Variants in ACSF2 observed in about 807,000 individuals in gnomAD.
ACSF2 encodes medium-chain acyl-CoA ligase ACSF2, mitochondrial.
Under a neutral mutation model 79.3 loss-of-function variants are expected in ACSF2, and 52 were observed. That is an observed-to-expected ratio of 0.66 (90% confidence interval 0.53 to 0.83). ACSF2 has a LOEUF of 0.83. Among genes scored for constraint, ACSF2 ranks in the 40% least tolerant of loss-of-function variants. ACSF2 has a pLI of 0.00. For synonymous variants in ACSF2, 283 were observed against 312.6 expected, an observed-to-expected ratio of 0.91 and a Z score of 1.00; for missense variants, 661 against 803.3, an observed-to-expected ratio of 0.82 and a Z score of 2.14.
At chr17:50,446,658 C>CTCTTTAAG (rs2031321183) in intron 1 of ACSF2, among the ~76,000 whole-genome samples, 1 of 152,186 alleles carries the variant, frequency 6.6e-6, no homozygotes, top group South Asian at 2.1e-4. Flanking sequence ...CCCTCGTGAC[C>CTCTTTAAG]TCTTTAAGTC....
chr17:50,468,757 C>A (rs766272511), intron 10 of ACSF2: 1 of 1,595,582 alleles, frequency 6.3e-7, no homozygotes, highest in African/African-American at 1.3e-5. Flanking sequence ...AGGCGGCCAG[C>A]GCCGGCAGCA....
chr17:50,428,132 T>C (rs1341038749), intron 1 of ACSF2, among the ~76,000 whole-genome samples: 1 of 152,064 alleles, frequency 6.6e-6, no homozygotes, highest in Non-Finnish European at 1.5e-5. Flanking sequence ...AAGGCTGCAT[T>C]GAGCCGTCAT....
chr17:50,431,099 G>C (rs552690392), intron 1 of ACSF2, among the ~76,000 whole-genome samples: 1 of 152,202 alleles, frequency 6.6e-6, no homozygotes, highest in Non-Finnish European at 1.5e-5. Flanking sequence ...ATTTATGAAT[G>C]ATTTGGTAAC....
At chr17:50,460,251 T>C (rs1191116820) in intron 1 of ACSF2, 1 of 458,238 alleles carries the variant, frequency 2.2e-6, no homozygotes, top group African/African-American at 2.0e-5. Flanking sequence ...TCCTAAGACC[T>C]TGGATTCAAG....
At position 50,463,974 on chromosome 17, in the gene ACSF2, G is replaced by A; in HGVS notation, c.1138+65G>A. 2 of 1,505,152 alleles carry A rather than the reference G, an allele frequency of 1.3e-6. No individual in the cohort carries two copies. Among genetic ancestry groups the A allele is most frequent in the Non-Finnish European group, 1.8e-6 (2 of 1,093,246 alleles). 93.2% of individuals were successfully genotyped at this position (1,505,152 alleles called of 1,614,324 possible). ...CTGCTTCCCCCACAGGAATGGCCCG[G>A]GTGAGTTAGCTATGCTCCCAGTCTT... On this transcript the variant is annotated intron_variant, in intron 9 of 15. Coordinates refer to ENST00000300441, the MANE Select transcript of ACSF2 (RefSeq NM_025149.6). This position sits in a 1 kb window ranked among gnomAD's most constrained non-coding sequence, Gnocchi z 4.6.
At chr17:50,435,028 G>A (rs971154250) in intron 1 of ACSF2, among the ~76,000 whole-genome samples, 1 of 152,002 alleles carries the variant, frequency 6.6e-6, no homozygotes. Flanking sequence ...GTGCCACCAC[G>A]CCTGACTTAT....
rs145947092 is a variant in ACSF2 at position 50,468,077 on chromosome 17, A to T, written c.1216-2951A>T. On this transcript the variant is annotated intron_variant, in intron 10 of 15. Transcript: ENST00000300441. Reference sequence around the variant, plus strand: ...GGTGTTGTCCAGCCAGAGGGTCTCCAGGTATCTGCCAAAGGACTGGAAGGC... The same window carrying T: ...GGTGTTGTCCAGCCAGAGGGTCTCCTGGTATCTGCCAAAGGACTGGAAGGC... 6 of 1,609,916 alleles carry T rather than the reference A, an allele frequency of 3.7e-6. No individual in the cohort carries two copies. In the African/African-American group the frequency reaches 6.7e-5, roughly 18 times the overall value.
intron 1 of ACSF2, among the ~76,000 whole-genome samples, chr17:50,427,642 G>A (rs920139252): frequency 4.6e-5 from 7 of 152,152 alleles, no homozygotes; most frequent in Non-Finnish European, 7.3e-5. Context: ...ACTTCCCAAA[G>A]TGTACATATT....
At chr17:50,427,710 C>A (rs1915127669) in intron 1 of ACSF2, among the ~76,000 whole-genome samples, 1 of 152,202 alleles carries the variant, frequency 6.6e-6, no homozygotes. Flanking sequence ...GCTCAGGAGG[C>A]TGCCCAATAG....
At chr17:50,467,805 A>G (rs1472539857) in intron 10 of ACSF2, 7 of 497,890 alleles carry the variant, frequency 1.4e-5, no homozygotes, top group African/African-American at 5.8e-5. Context: ...GGGCAGTCCC[A>G]CTCCTTTTAT....
intron 1 of ACSF2, among the ~76,000 whole-genome samples, chr17:50,431,622 G>A (rs2029934633): frequency 6.6e-6 from 1 of 152,170 alleles, no homozygotes; most frequent in Non-Finnish European, 1.5e-5. Context: ...AGCCTCCCAA[G>A]TAGCTAGGAC....
intron 12 of ACSF2, chr17:50,473,399 A>G (rs1433021647): frequency 6.8e-6 from 3 of 438,642 alleles, no homozygotes; most frequent in Non-Finnish European, 1.2e-5. Flanking sequence ...TTGAGCTGAG[A>G]CCTGGAAAGA....
chr17:50,431,014 A>G (rs2029885451), intron 1 of ACSF2, among the ~76,000 whole-genome samples: 1 of 152,234 alleles, frequency 6.6e-6, no homozygotes, highest in Non-Finnish European at 1.5e-5. Flanking sequence ...GCCTTGTATT[A>G]AGCCTGGAAG....
intron 2 of ACSF2, 26 bp downstream of exon 2, chr17:50,460,898 A>C (rs1421544898): frequency 6.3e-7 from 1 of 1,592,740 alleles, no homozygotes; most frequent in South Asian, 1.1e-5. Flanking sequence ...GAAACCTCAA[A>C]GTGGGCAAGT....
At chr17:50,441,392 C>G (rs2030905288) in intron 1 of ACSF2, among the ~76,000 whole-genome samples, 1 of 152,190 alleles carries the variant, frequency 6.6e-6, no homozygotes, top group Admixed American at 6.5e-5. Context: ...CCAGGCTGGT[C>G]TCGAACTCCT....
chr17:50,447,994 G>A (rs2031409986), intron 1 of ACSF2, among the ~76,000 whole-genome samples: 2 of 152,204 alleles, frequency 1.3e-5, no homozygotes, highest in African/African-American at 4.8e-5. Context: ...ACAGCCCAAG[G>A]TCTCAAAGTG....
chr17:50,428,068 A>C (rs1170786389), intron 1 of ACSF2, among the ~76,000 whole-genome samples: 1 of 152,228 alleles, frequency 6.6e-6, no homozygotes, highest in African/African-American at 2.4e-5. Flanking sequence ...TTATGCCTGT[A>C]ATCTCAGCAC....
chr17:50,431,539 T>A (rs1424325056), intron 1 of ACSF2, among the ~76,000 whole-genome samples: 3 of 152,246 alleles, frequency 2.0e-5, no homozygotes, highest in Non-Finnish European at 4.4e-5. Flanking sequence ...TGTGCTTCAA[T>A]CGTTGTGAAC....
intron 1 of ACSF2, among the ~76,000 whole-genome samples, chr17:50,454,169 ATTTTTT>A (rs34569538): frequency 4.4e-5 from 5 of 113,074 alleles, no homozygotes; most frequent in South Asian, 2.7e-4. Flanking sequence ...ACCGTCCCAA[ATTTTTT>A]TTTTTTTTTT....
Sources: allele counts gnomAD v4.1 joint callset (sites outside exome capture counted in the v4.1 genomes callset), GRCh38; gene constraint gnomAD v4.1.1; non-coding constraint Gnocchi (gnomAD v3.1); transcripts MANE v1.5; gene names NCBI Gene and HGNC (gene_info 2026-07-23, HGNC 2026-07-21).